MANBA: variants seen among roughly 807,000 people sequenced by gnomAD.
The protein encoded by MANBA is mannosidase beta.
Under a neutral mutation model 111.1 loss-of-function variants are expected in MANBA, and 83 were observed. The observed-to-expected ratio is 0.75, with a 90% CI of 0.63 to 0.90. The LOEUF is 0.90. Among genes scored for constraint, MANBA ranks in the 40% least tolerant of loss-of-function variants. The probability of loss-of-function intolerance (pLI) is 0.00; values close to 1 mark genes in which losing one functional copy is unlikely to be tolerated. For synonymous variants in MANBA, 370 were observed against 378.7 expected, an observed-to-expected ratio of 0.98 and a Z score of 0.27; for missense variants, 1,036 against 1,069.0, an observed-to-expected ratio of 0.97 and a Z score of 0.43.
chr4:102,673,828 C>G, intron 8 of MANBA, 91 bp downstream of exon 8: 1 of 1,230,512 alleles, frequency 8.1e-7, no homozygotes, highest in Non-Finnish European at 1.2e-6. Flanking sequence ...GTTCCTTGCC[C>G]AGAGACTAAA....
At chr4:102,711,865 C>T (rs949635642) in intron 5 of MANBA, among the ~76,000 whole-genome samples, 2 of 151,990 alleles carry the variant, frequency 1.3e-5, no homozygotes, top group Non-Finnish European at 2.9e-5. Flanking sequence ...ATGTTGATCT[C>T]ATGGAGGTAG....
intron 5 of MANBA, among the ~76,000 whole-genome samples, chr4:102,702,092 C>T (rs1431406863): frequency 8.6e-5 from 13 of 151,594 alleles, no homozygotes; most frequent in South Asian, 2.1e-4. Context: ...CTTCCCTTCT[C>T]GCTTCATTTC....
chr4:102,733,349 ATTT>A (rs563303596), intron 1 of MANBA, among the ~76,000 whole-genome samples: 5 of 136,182 alleles, frequency 3.7e-5, no homozygotes, highest in African/African-American at 2.7e-5. Flanking sequence ...TCCTCTCTGC[ATTT>A]TTTTTTTTTT....
chr4:102,715,195 T>G (rs1722272331), intron 4 of MANBA, among the ~76,000 whole-genome samples: 1 of 152,200 alleles, frequency 6.6e-6, no homozygotes, highest in South Asian at 2.1e-4. Context: ...TTGGGTACTC[T>G]CTCATGCCCT....
chr4:102,710,801 A>T (rs1010269214), intron 5 of MANBA, among the ~76,000 whole-genome samples: 3 of 152,158 alleles, frequency 2.0e-5, no homozygotes, highest in African/African-American at 7.2e-5. Flanking sequence ...CCAACTTATT[A>T]ATAACTAACT....
intron 12 of MANBA, among the ~76,000 whole-genome samples, chr4:102,651,501 G>A (rs1258093331): frequency 6.6e-6 from 1 of 152,140 alleles, no homozygotes; most frequent in Non-Finnish European, 1.5e-5. Context: ...TTAATGCACT[G>A]TTAGCATTTA....
chr4:102,639,747 A>C lies in MANBA; in HGVS notation c.1980T>G (p.Asn660Lys). 1.2e-6 allele frequency: 2 copies of C among 1,614,170 alleles called. No homozygotes were observed. The change falls in exon 14 of 17, where the codon AAT becomes AAG. Residue 660 changes from asparagine (N) to lysine (K), a missense_variant. Physicochemically the swap from Asn to Lys is moderately conservative, Grantham distance 94. Transcript: ENST00000647097. Reference sequence around the variant, plus strand: ...CCCAGGAAGGAGCTTGCCAGATGTCATTCAACTGCCAATAAAGTGCCCCCA... The same window carrying C: ...CCCAGGAAGGAGCTTGCCAGATGTCCTTCAACTGCCAATAAAGTGCCCCCA... ...HTMGALYWQL[N>K]DIWQAPSWAS... is the part of the protein sequence containing the mutation.
chr4:102,631,788 T>C lies in MANBA; in HGVS notation c.*269A>G, dbSNP rs1729386702. On this transcript the variant is annotated 3_prime_UTR_variant, in exon 17 of 17. Coordinates refer to ENST00000647097, the MANE Select transcript of MANBA (RefSeq NM_005908.4). ...TTGTTATAACTGGTTCATGTCCTGC[T>C]AAAGCTGAGAGGTGAAGGGCTAAAA... 1.7e-6 allele frequency: 1 copy of C among 600,602 alleles called. No homozygotes were observed. Among genetic ancestry groups the C allele is most frequent in the African/African-American group, 1.9e-5 (1 of 53,844 alleles). The allele number at this position is 600,602 out of a possible 1,614,324, so 37.2% of individuals were successfully genotyped here.
chr4:102,705,357 T>A (rs957675643), intron 5 of MANBA, among the ~76,000 whole-genome samples: 6 of 152,194 alleles, frequency 3.9e-5, no homozygotes, highest in Non-Finnish European at 7.3e-5. Context: ...TTTGAGAGTC[T>A]AGCCCCGAAT....
At chr4:102,660,249 G>T (rs1368805174) in intron 11 of MANBA, among the ~76,000 whole-genome samples, 2 of 152,028 alleles carry the variant, frequency 1.3e-5, no homozygotes, top group Admixed American at 1.3e-4. Context: ...GTCACTCTGA[G>T]TAGTAGCAAC....
At chr4:102,651,701 G>A (rs1381353967) in intron 12 of MANBA, among the ~76,000 whole-genome samples, 3 of 152,074 alleles carry the variant, frequency 2.0e-5, no homozygotes, top group African/African-American at 7.2e-5. Context: ...TACCTTAAAA[G>A]GAAAAGGTTA....
Position 102,723,904 on chromosome 4 carries a change from A to G in MANBA, c.336T>C (p.Asn112=). The change falls in exon 3 of 17, where the codon AAT becomes AAC. Residue 112 remains asparagine, a synonymous_variant. Transcript: ENST00000647097. ...TGTCTGTTTCCCCAATAGTGACTTCATTGAACAGGATTTTTGAAACCGTAT... is the reference window on the plus strand; with the variant it reads ...TGTCTGTTTCCCCAATAGTGACTTCGTTGAACAGGATTTTTGAAACCGTAT... The part of the protein sequence containing the change: ...GVDTVSKILF[N]EVTIGETDNM... 6.2e-7 allele frequency: 1 copy of G among 1,611,068 alleles called. No homozygotes were observed. Among genetic ancestry groups the G allele is most frequent in the Non-Finnish European group, 8.5e-7 (1 of 1,177,578 alleles).
At chr4:102,656,707 C>A (rs551824375) in intron 12 of MANBA, among the ~76,000 whole-genome samples, 1 of 152,034 alleles carries the variant, frequency 6.6e-6, no homozygotes, top group Admixed American at 6.5e-5. Flanking sequence ...AATAGATAAA[C>A]AAAACGTAGT....
At chr4:102,652,385 A>G (rs892134971) in intron 12 of MANBA, among the ~76,000 whole-genome samples, 2 of 151,962 alleles carry the variant, frequency 1.3e-5, no homozygotes, top group Non-Finnish European at 2.9e-5. Flanking sequence ...CAGCCTTCTT[A>G]TTTGTAATAA....
intron 5 of MANBA, among the ~76,000 whole-genome samples, chr4:102,692,819 C>T (rs1732543888): frequency 6.6e-6 from 1 of 151,682 alleles, no homozygotes; most frequent in South Asian, 2.1e-4. Flanking sequence ...AGACCTTTCT[C>T]CTACAAATAA....
chr4:102,654,893 T>C (rs1730493583), intron 12 of MANBA, among the ~76,000 whole-genome samples: 1 of 152,122 alleles, frequency 6.6e-6, no homozygotes, highest in South Asian at 2.1e-4. Context: ...GAAGCAATAT[T>C]ATTAATATCT....
rs973727586 is a variant in MANBA at position 102,630,800 on chromosome 4, A to C, written c.*1257T>G. ...ATTTATTCTTCAAAACAAACTTACA[A>C]GGTGGGTGTTACCACTCCCATTTAG... On this transcript the variant is annotated 3_prime_UTR_variant, in exon 17 of 17. Coordinates refer to ENST00000647097, the MANE Select transcript of MANBA (RefSeq NM_005908.4). 3 of 152,200 alleles carry C rather than the reference A, an allele frequency of 2.0e-5. No individual in the cohort carries two copies. The highest frequency in any genetic ancestry group is 7.2e-5 in the African/African-American group (3 of 41,454). 9.4% of individuals were successfully genotyped at this position (152,200 alleles called of 1,614,324 possible).
At chr4:102,654,759 A>G (rs183329358) in intron 12 of MANBA, among the ~76,000 whole-genome samples, 99 of 152,286 alleles carry the variant, frequency 6.5e-4, no homozygotes, top group Middle Eastern at 3.4e-3. Context: ...ATTGAAATGT[A>G]CTCCCTAAGA....
chr4:102,760,714 A>T lies in MANBA; in HGVS notation c.177+4T>A, dbSNP rs755493385. 7.2e-6 allele frequency: 11 copies of T among 1,532,972 alleles called. No homozygotes were observed. Among genetic ancestry groups the T allele is most frequent in the African/African-American group, 1.4e-5 (1 of 72,808 alleles). The allele number at this position is 1,532,972 out of a possible 1,614,324, so 95.0% of individuals were successfully genotyped here. On this transcript the variant is annotated splice_donor_region_variant and intron_variant, in intron 1 of 16. Coordinates refer to ENST00000647097, the MANE Select transcript of MANBA (RefSeq NM_005908.4). ...GCTCGCCGCGGGTCGGCCGCACGCC[A>T]TACCTGGATCAGGCCCTGCTGGAAC...
Sources: gnomAD v4.1 joint callset for allele counts (sites outside exome capture counted in the v4.1 genomes callset) on GRCh38, gnomAD v4.1.1 for gene constraint, MANE v1.5 for transcripts, NCBI Gene and HGNC (gene_info 2026-07-23, HGNC 2026-07-21) for gene names.